ZNF625: variants seen among roughly 807,000 people sequenced by gnomAD.
ZNF625 encodes the protein zinc finger protein 625.
ZNF625 carries 8 observed loss-of-function variants against 11.1 expected under a neutral mutation model. The ratio of observed to expected loss-of-function variants is 0.72; its 90% CI spans 0.42 to 1.30. The LOEUF (loss-of-function observed/expected upper bound fraction) is 1.30, where lower values mean the gene tolerates loss of function less well. Among genes scored for constraint, ZNF625 ranks in the 50% most tolerant of loss-of-function variants. The probability of loss-of-function intolerance (pLI) is 0.01; values close to 1 mark genes in which losing one functional copy is unlikely to be tolerated. For synonymous variants in ZNF625, 145 were observed against 153.4 expected (o/e 0.95, Z 0.41); for missense variants, 349 against 447.6 (o/e 0.78, Z 1.99).
intron 3 of ZNF625, 31 bp from the exon 4 acceptor site, chr19:12,146,255 G>A: frequency 6.4e-7 from 1 of 1,567,902 alleles, no homozygotes; most frequent in African/African-American, 1.4e-5. Flanking sequence ...ATCATAATGG[G>A]TTCCTTTATC....
intron 1 of ZNF625, among the ~76,000 whole-genome samples, chr19:12,149,563 A>G (rs776239317): frequency 6.6e-6 from 1 of 152,150 alleles, no homozygotes. Context: ...TTAAAATTGC[A>G]TAAGCTGGTA....
intron 1 of ZNF625, among the ~76,000 whole-genome samples, chr19:12,153,579 G>A (rs1327961494): frequency 6.6e-6 from 1 of 150,712 alleles, no homozygotes; most frequent in African/African-American, 2.4e-5. Flanking sequence ...AGCTACTTGG[G>A]AGGCTGAGGC....
Position 12,151,449 on chromosome 19 carries a change from C to T in ZNF625, c.4-3647G>A, listed in dbSNP as rs985450635. On this transcript the variant is annotated intron_variant, in intron 1 of 3. Coordinates refer to ENST00000439556, the MANE Select transcript of ZNF625 (RefSeq NM_145233.4). ...AGGCTGGAGTGCAGTGGCACGATCT[C>T]GGCTCACTGCAAGCTCTGCCTCCTG... is the stretch of plus-strand genomic sequence containing the variant. 4.7e-5 allele frequency among the ~76,000 whole-genome samples: 7 copies of T among 148,844 alleles called. No homozygotes were observed. The South Asian group carries it at 6.4e-4, about 14-fold the overall frequency.
At chr19:12,150,920 C>T (rs1011407641) in intron 1 of ZNF625, among the ~76,000 whole-genome samples, 2 of 152,058 alleles carry the variant, frequency 1.3e-5, no homozygotes, top group Non-Finnish European at 2.9e-5. Flanking sequence ...CGGTGGAGCT[C>T]GCCTCCTGCA....
chr19:12,149,791 G>C (rs1214208988), intron 1 of ZNF625, among the ~76,000 whole-genome samples: 1 of 151,800 alleles, frequency 6.6e-6, no homozygotes, highest in African/African-American at 2.4e-5. Context: ...CCAGGCTGGA[G>C]TGCAATGGCG....
Position 12,145,956 on chromosome 19 carries a change from C to A in ZNF625, c.460G>T (p.Glu154Ter), listed in dbSNP as rs769234421. The A allele has an allele frequency of 1.9e-6, 3 of 1,614,198 alleles. No individual in the cohort carries two copies. Among genetic ancestry groups the A allele is most frequent in the Non-Finnish European group, 2.5e-6 (3 of 1,180,038 alleles). ...GGTTTCCCCCCAGTGTGAGCCCATT[C>A]ATGTGTTCGAAAGTAGGGGAGATCA... The part of the protein sequence containing the change: ...FSDLPYFRTH[E>*]WAHTGGKPYD... Residue 154 changes from glutamate (E) to a stop codon, truncating the protein, a stop_gained, in exon 4 of 4, where the codon GAA (glutamate) becomes TAA (stop). Coordinates refer to ENST00000439556, the MANE Select transcript of ZNF625 (RefSeq NM_145233.4). LOFTEE classifies it low-confidence loss of function (END_TRUNC).
At chr19:12,154,943 C>G (rs1977006102) in intron 1 of ZNF625, among the ~76,000 whole-genome samples, 1 of 152,132 alleles carries the variant, frequency 6.6e-6, no homozygotes, top group Admixed American at 6.6e-5. Context: ...AGGCCGGGCA[C>G]AGTGGCTCAG....
At chr19:12,152,379 TATC>T (rs1976967940) in intron 1 of ZNF625, among the ~76,000 whole-genome samples, 1 of 152,038 alleles carries the variant, frequency 6.6e-6, no homozygotes, top group South Asian at 2.1e-4. Context: ...CCTATAACAA[TATC>T]ATACCCGTGA....
chr19:12,156,121 C>A (rs192052007), intron 1 of ZNF625, among the ~76,000 whole-genome samples: 264 of 152,284 alleles, frequency 1.7e-3, no homozygotes, highest in African/African-American at 6.1e-3. Context: ...ACCTGCCAGG[C>A]GTGACCCACT....
Position 12,145,819 on chromosome 19 carries a change from G to A in ZNF625, c.597C>T (p.Ala199=), listed in dbSNP as rs764699768. The change falls in exon 4 of 4, where the codon GCC becomes GCT. Residue 199 remains alanine (A), a synonymous_variant. Transcript: ENST00000439556. Reference sequence around the variant, plus strand: ...TAAGATACAAACTGAGACACATCAAGGCTTTCCCACAAAAGTTACATTTGT... The same window carrying A: ...TAAGATACAAACTGAGACACATCAAAGCTTTCCCACAAAAGTTACATTTGT... ...GPYKCNFCGK[A]LMCLSLYLIH... 3.1e-6 allele frequency: 5 copies of A among 1,614,188 alleles called. No individual in the cohort carries two copies. Among genetic ancestry groups the A allele is most frequent in the Non-Finnish European group, 4.2e-6 (5 of 1,180,032 alleles).
In ZNF625 at chr19:12,146,586, C is replaced by T. The variant is rs553988982; in HGVS notation, c.192-362G>A. 3.9e-5 allele frequency among the ~76,000 whole-genome samples: 6 copies of T among 152,204 alleles called. 1 individual carries two copies. Among genetic ancestry groups the T allele is most frequent in the African/African-American group, 1.4e-4 (6 of 41,530 alleles). On this transcript the variant is annotated intron_variant, in intron 3 of 3. Transcript: ENST00000439556. Reference sequence around the variant, plus strand: ...TTACCTGAGGCTACAAGCATACCATCGTGCCTGGCTAATTTTTGTATATTT... The same window carrying T: ...TTACCTGAGGCTACAAGCATACCATTGTGCCTGGCTAATTTTTGTATATTT...
intron 1 of ZNF625, among the ~76,000 whole-genome samples, chr19:12,148,053 C>T (rs1396655305): frequency 6.6e-6 from 1 of 152,140 alleles, no homozygotes; most frequent in Non-Finnish European, 1.5e-5. Context: ...GATCTTGGCT[C>T]ACTGCAACCT....
rs553261261 is a variant in ZNF625 at position 12,145,009 on chromosome 19, C to A, written c.*288G>T. ...GATTATAGGCATGAGCCACTGCACC[C>A]GGCCAAACCTCGTATTTTTTTTATG... On this transcript the variant is annotated 3_prime_UTR_variant, in exon 4 of 4. Coordinates refer to ENST00000439556, the MANE Select transcript of ZNF625 (RefSeq NM_145233.4). The A allele has an allele frequency of 3.1e-6, 1 of 317,544 alleles. No homozygotes were observed. Among genetic ancestry groups the A allele is most frequent in the African/African-American group, 2.2e-5 (1 of 46,430 alleles). 19.7% of individuals were successfully genotyped at this position (317,544 alleles called of 1,614,324 possible). A position where few individuals can be genotyped will look rare whatever the true frequency, so the allele number is the denominator to read the frequency against.
intron 1 of ZNF625, among the ~76,000 whole-genome samples, chr19:12,149,756 T>C (rs1976929467): frequency 1.3e-5 from 2 of 151,994 alleles, no homozygotes; most frequent in Admixed American, 6.6e-5. Flanking sequence ...TTTTTTTTTT[T>C]CAGACGGAGT....
chr19:12,146,079 T>A lies in ZNF625; in HGVS notation c.337A>T (p.Asn113Tyr). The A allele has an allele frequency of 6.2e-7, 1 of 1,614,126 alleles. No individual in the cohort carries two copies. Among genetic ancestry groups the A allele is most frequent in the Non-Finnish European group, 8.5e-7 (1 of 1,180,010 alleles). Residue 113 changes from asparagine (N) to tyrosine (Y), a missense_variant, in exon 4 of 4, where the codon AAT becomes TAT. Transcript: ENST00000439556. ...GEVSVGHASL[N>Y]RHHRADTGHK... The stretch of plus-strand genomic sequence containing the variant: ...CCAGTGTCAGCTCTGTGGTGCCTAT[T>A]AAGGGATGCATGACCCACGCTGACT...
intron 1 of ZNF625, among the ~76,000 whole-genome samples, chr19:12,153,805 CTTTTTTT>C (rs912782968): frequency 1.1e-4 from 12 of 113,606 alleles, no homozygotes; most frequent in African/African-American, 1.5e-4. Context: ...TTTTATATTT[CTTTTTTT>C]TTTTTTTTTT....
intron 1 of ZNF625, 113 bp downstream of exon 1, chr19:12,156,443 C>G: frequency 1.1e-6 from 1 of 883,390 alleles, no homozygotes; most frequent in Non-Finnish European, 1.5e-6. Flanking sequence ...AGGGGGACTC[C>G]GCTCTGCAGA....
chr19:12,151,129 C>G (rs537414686), intron 1 of ZNF625, among the ~76,000 whole-genome samples: 84 of 151,614 alleles, frequency 5.5e-4, no homozygotes, highest in African/African-American at 1.8e-3. Flanking sequence ...GCAGTATTCT[C>G]ATGCATTCTA....
In ZNF625 at chr19:12,147,791, G is replaced by C. The variant is rs781117512; in HGVS notation, c.15C>G (p.Val5=). 3.7e-6 allele frequency: 6 copies of C among 1,613,908 alleles called. No homozygotes were observed. The highest frequency in any genetic ancestry group is 1.6e-4 in the Middle Eastern group (1 of 6,084). Residue 5 remains valine, a synonymous_variant, in exon 2 of 4, where the codon GTC becomes GTG. Coordinates refer to ENST00000439556, the MANE Select transcript of ZNF625 (RefSeq NM_145233.4). ...TGAAGTTCACATCTACATCCTCAAA[G>C]ACCACTGAATCCTGAAACATCCCAC... is the stretch of plus-strand genomic sequence containing the variant. MDSV[V]FEDVDVNFTQ...
Sources: gnomAD v4.1 joint callset for allele counts (sites outside exome capture counted in the v4.1 genomes callset) on GRCh38, gnomAD v4.1.1 for gene constraint, MANE v1.5 for transcripts, NCBI Gene and HGNC (gene_info 2026-07-23, HGNC 2026-07-21) for gene names.